The following PLLP variants were observed in gnomAD, a reference collection of about 807,000 sequenced individuals.
The protein encoded by PLLP is plasmolipin.
A neutral mutation model predicts 19.7 loss-of-function variants in PLLP; 15 were observed. The observed-to-expected ratio is 0.76, with a 90% CI of 0.51 to 1.17. The LOEUF (loss-of-function observed/expected upper bound fraction) is 1.17. Among genes scored for constraint, PLLP ranks in the 50% most tolerant of loss-of-function variants. The pLI is 0.00. For synonymous variants in PLLP, 111 were observed against 116.3 expected, an observed-to-expected ratio of 0.95 and a Z score of 0.29; for missense variants, 255 against 258.3, an observed-to-expected ratio of 0.99 and a Z score of 0.09.
chr16:57,257,900 C>T (rs886116711), intron 3 of PLLP, among the ~76,000 whole-genome samples: 2 of 152,112 alleles, frequency 1.3e-5, no homozygotes, highest in Admixed American at 1.3e-4. Flanking sequence ...CAGCCCAGGC[C>T]GCGTGTGGCA....
At position 57,262,025 on chromosome 16, in the gene PLLP, G is replaced by T; in HGVS notation, c.181C>A (p.His61Asn). Residue 61 changes from histidine to asparagine, a missense_variant, in exon 2 of 4, where the codon CAC (histidine) becomes AAC (asparagine). Coordinates refer to ENST00000219207, the MANE Select transcript of PLLP (RefSeq NM_015993.3). ...VWALIADTPY[H>N]LYPAYGWVMF... ...ACCCAGCCATAGGCCGGATACAGGT[G>T]GTACGGGGTGTCCGCAATCAGCGCC... is the stretch of plus-strand genomic sequence containing the variant. 1 of 1,614,202 alleles carries T rather than the reference G, an allele frequency of 6.2e-7. No individual in the cohort carries two copies. Among genetic ancestry groups the T allele is most frequent in the Non-Finnish European group, 8.5e-7 (1 of 1,180,022 alleles).
At chr16:57,273,927 T>C (rs1901116192) in intron 1 of PLLP, among the ~76,000 whole-genome samples, 1 of 152,234 alleles carries the variant, frequency 6.6e-6, no homozygotes, top group Admixed American at 6.5e-5. Flanking sequence ...CCTTTCTCTC[T>C]CTGGGCCTGA....
At chr16:57,265,566 T>C (rs1163156897) in intron 1 of PLLP, among the ~76,000 whole-genome samples, 1 of 152,338 alleles carries the variant, frequency 6.6e-6, no homozygotes, top group East Asian at 1.9e-4. Context: ...ACCTGTCCCA[T>C]GACTCACAGC....
chr16:57,256,486 C>T lies in PLLP; in HGVS notation c.*427G>A, dbSNP rs368863657. On this transcript the variant is annotated 3_prime_UTR_variant, in exon 4 of 4. Coordinates refer to ENST00000219207, the MANE Select transcript of PLLP (RefSeq NM_015993.3). ...GGTTTCACCAGCTTGCTCAGCTCTCCTGGAACAAAGACTAAGGTGCTACGT... is the reference window on the plus strand; with the variant it reads ...GGTTTCACCAGCTTGCTCAGCTCTCTTGGAACAAAGACTAAGGTGCTACGT... The T allele has an allele frequency of 3.0e-4, 59 of 195,758 alleles. 1 individual carries two copies. In the East Asian group the frequency reaches 6.1e-3, roughly 20 times the overall value. The allele number at this position is 195,758 out of a possible 1,614,324, so 12.1% of individuals were successfully genotyped here. A position where few individuals can be genotyped will look rare whatever the true frequency, so the allele number is the denominator to read the frequency against.
At chr16:57,258,344 T>G in intron 3 of PLLP, 118 bp downstream of exon 3, 2 of 969,452 alleles carry the variant, frequency 2.1e-6, no homozygotes, top group Non-Finnish European at 3.1e-6. Flanking sequence ...ACCCACTGAG[T>G]GTTCAGGTGA....
chr16:57,269,565 G>T (rs562772726), intron 1 of PLLP, among the ~76,000 whole-genome samples: 2 of 152,154 alleles, frequency 1.3e-5, no homozygotes, highest in South Asian at 4.1e-4. Flanking sequence ...TCCCAGAGAG[G>T]GACGCCACGA....
intron 1 of PLLP, among the ~76,000 whole-genome samples, chr16:57,270,182 C>T (rs1254760441): frequency 1.3e-5 from 2 of 151,632 alleles, no homozygotes; most frequent in Non-Finnish European, 2.9e-5. Flanking sequence ...AAACACAGTC[C>T]CCGAGTCTAT....
chr16:57,275,640 G>GGAAAAAA (rs1351681637), intron 1 of PLLP, among the ~76,000 whole-genome samples: 1 of 9,486 alleles, frequency 1.1e-4, no homozygotes, highest in Admixed American at 1.5e-3. Flanking sequence ...ATTTTGCAAG[G>GGAAAAAA]CAAAAAAAAA....
intron 1 of PLLP, among the ~76,000 whole-genome samples, chr16:57,265,296 G>A (rs1013361518): frequency 2.0e-5 from 3 of 152,238 alleles, no homozygotes; most frequent in Non-Finnish European, 2.9e-5. Context: ...GAGAGGCCAC[G>A]AACCCCCAGA....
At chr16:57,283,507 A>G (rs981489128) in intron 1 of PLLP, among the ~76,000 whole-genome samples, 1 of 152,226 alleles carries the variant, frequency 6.6e-6, no homozygotes, top group African/African-American at 2.4e-5. Flanking sequence ...CCCAACTCCA[A>G]TTCCACCTGA....
intron 2 of PLLP, among the ~76,000 whole-genome samples, chr16:57,259,569 C>T (rs750477383): frequency 4.6e-5 from 7 of 152,322 alleles, no homozygotes; most frequent in Non-Finnish European, 8.8e-5. Flanking sequence ...CGTCTTCAAA[C>T]GCCTGGTCCT....
chr16:57,273,959 A>G (rs1365802031), intron 1 of PLLP, among the ~76,000 whole-genome samples: 1 of 152,196 alleles, frequency 6.6e-6, no homozygotes, highest in Non-Finnish European at 1.5e-5. Flanking sequence ...TGCCACCTTC[A>G]TAGCTTTTGC....
intron 1 of PLLP, among the ~76,000 whole-genome samples, chr16:57,274,178 T>C (rs1437979141): frequency 2.0e-5 from 3 of 152,134 alleles, no homozygotes; most frequent in African/African-American, 7.2e-5. Context: ...AGACAAGGTC[T>C]AGCTCTGTTG....
At chr16:57,264,606 A>G (rs1054838269) in intron 1 of PLLP, among the ~76,000 whole-genome samples, 14 of 152,190 alleles carry the variant, frequency 9.2e-5, no homozygotes, top group African/African-American at 3.4e-4. Context: ...GCATTTGGGG[A>G]GGCCAAGGTG....
chr16:57,258,377 T>G (rs1212753892), intron 3 of PLLP, 85 bp downstream of exon 3: 2 of 1,424,548 alleles, frequency 1.4e-6, no homozygotes, highest in Non-Finnish European at 1.9e-6. Flanking sequence ...AGGTGGCAGG[T>G]GCCTGGCCTC....
At chr16:57,266,855 C>T (rs1463563582) in intron 1 of PLLP, among the ~76,000 whole-genome samples, 1 of 146,370 alleles carries the variant, frequency 6.8e-6, no homozygotes, top group African/African-American at 2.6e-5. Flanking sequence ...ATCTCAAGGG[C>T]ACAGGGCCTT....
intron 1 of PLLP, among the ~76,000 whole-genome samples, chr16:57,266,814 C>T (rs1353440754): frequency 2.0e-5 from 3 of 151,574 alleles, no homozygotes; most frequent in Non-Finnish European, 4.4e-5. Flanking sequence ...CCAGACAGGT[C>T]CTGCAGATAA....
rs2075427392 is a variant in PLLP, at chr16:57,256,884, G to A, written c.*29C>T. ...GCTCTGTGACCCAGCGGCGGCTTCAGCCCCAGAGGGGGCCGTGGCACAGGT... is the reference window on the plus strand; with the variant it reads ...GCTCTGTGACCCAGCGGCGGCTTCAACCCCAGAGGGGGCCGTGGCACAGGT... On this transcript the variant is annotated 3_prime_UTR_variant, in exon 4 of 4. Coordinates refer to ENST00000219207, the MANE Select transcript of PLLP (RefSeq NM_015993.3). 1 of 1,495,856 alleles carries A rather than the reference G, an allele frequency of 6.7e-7. No individual in the cohort carries two copies. Among genetic ancestry groups the A allele is most frequent in the Non-Finnish European group, 9.3e-7 (1 of 1,075,066 alleles). 92.7% of individuals were successfully genotyped at this position (1,495,856 alleles called of 1,614,324 possible).
chr16:57,284,388 G>C lies in PLLP; in HGVS notation c.135+18C>G. Reference sequence around the variant, plus strand: ...CGGGAGCCCCCGGCCAACCCCGTGGGCCCGCGCGTGCTCTCACCAGCTGCA... The same window carrying C: ...CGGGAGCCCCCGGCCAACCCCGTGGCCCCGCGCGTGCTCTCACCAGCTGCA... On this transcript the variant is annotated intron_variant, in intron 1 of 3. Transcript: ENST00000219207. The C allele has an allele frequency of 7.3e-7, 1 of 1,373,826 alleles. No individual in the cohort carries two copies. Among genetic ancestry groups the C allele is most frequent in the South Asian group, 1.6e-5 (1 of 62,872 alleles). 85.1% of individuals were successfully genotyped at this position (1,373,826 alleles called of 1,614,324 possible). A position where few individuals can be genotyped will look rare whatever the true frequency, so the allele number is the denominator to read the frequency against.
Sources: gnomAD v4.1 joint callset for allele counts (sites outside exome capture counted in the v4.1 genomes callset) on GRCh38, gnomAD v4.1.1 for gene constraint, MANE v1.5 for transcripts, NCBI Gene and HGNC (gene_info 2026-07-23, HGNC 2026-07-21) for gene names.